PDE1A: variants seen among roughly 807,000 people sequenced by gnomAD.
The protein encoded by PDE1A is dual specificity calcium/calmodulin-dependent 3',5'-cyclic nucleotide phosphodiesterase 1A.
Under a neutral mutation model 61.7 loss-of-function variants are expected in PDE1A, and 35 were observed. The ratio of observed to expected loss-of-function variants is 0.57; its 90% CI spans 0.43 to 0.75. The LOEUF is 0.75. Ranked by LOEUF, PDE1A falls within the 30% of genes least tolerant of loss-of-function variation. PDE1A has a pLI of 0.00. For missense variants in PDE1A, 597 were observed against 630.6 expected (o/e 0.95, Z 0.57); for synonymous variants, 232 against 213.2 (o/e 1.09, Z -0.77).
At chr2:182,462,534 G>A (rs576068140) in intron 2 of PDE1A, among the ~76,000 whole-genome samples, 13 of 151,994 alleles carry the variant, frequency 8.6e-5, no homozygotes, top group Admixed American at 5.9e-4. Flanking sequence ...TTCTGTGCAT[G>A]AAGAAGGGAA....
At chr2:182,376,484 T>A (rs1443742488) in intron 1 of PDE1A, among the ~76,000 whole-genome samples, 1 of 152,200 alleles carries the variant, frequency 6.6e-6, no homozygotes, top group East Asian at 1.9e-4. Context: ...TGAGACCACC[T>A]CAGCCTGGAT....
the PDE1A span, among the ~76,000 whole-genome samples, chr2:182,656,842 G>T: frequency 6.6e-6 from 1 of 152,104 alleles, no homozygotes. Context: ...AGCTTGGCCA[G>T]ACTTAGGATG....
chr2:182,460,963 A>G (rs1464829603), intron 2 of PDE1A, among the ~76,000 whole-genome samples: 2 of 152,162 alleles, frequency 1.3e-5, no homozygotes, highest in Non-Finnish European at 2.9e-5. Flanking sequence ...TGGAGGGCTA[A>G]GAGGGAAGAG....
intron 1 of PDE1A, among the ~76,000 whole-genome samples, chr2:182,349,802 G>A (rs1373881452): frequency 3.3e-5 from 5 of 151,964 alleles, no homozygotes; most frequent in African/African-American, 9.7e-5. Flanking sequence ...AAAGACACAC[G>A]CAAACAGAGA....
chr2:182,212,201 T>C (rs1226990658), intron 7 of PDE1A, among the ~76,000 whole-genome samples: 3 of 121,352 alleles, frequency 2.5e-5, no homozygotes, highest in Non-Finnish European at 5.1e-5. Context: ...TAAAATTATA[T>C]ATATTACGTA....
intron 4 of PDE1A, among the ~76,000 whole-genome samples, chr2:182,233,215 T>C (rs1377277100): frequency 6.6e-6 from 1 of 152,180 alleles, no homozygotes; most frequent in Non-Finnish European, 1.5e-5. Context: ...CGAGGAATGA[T>C]TAATATCCTT....
intron 2 of PDE1A, among the ~76,000 whole-genome samples, chr2:182,495,619 A>G (rs920134185): frequency 2.6e-5 from 4 of 152,170 alleles, no homozygotes; most frequent in African/African-American, 9.7e-5. Context: ...ACTTTCCTCT[A>G]AAAGAGAAAG....
chr2:182,193,932 T>G (rs527311984), intron 10 of PDE1A, among the ~76,000 whole-genome samples: 66 of 152,158 alleles, frequency 4.3e-4, no homozygotes, highest in South Asian at 1.0e-3. Flanking sequence ...TGGCTGAGAA[T>G]GGACTAAGTA....
the PDE1A span, among the ~76,000 whole-genome samples, chr2:182,647,081 C>T: frequency 6.6e-6 from 1 of 152,166 alleles, no homozygotes; most frequent in African/African-American, 2.4e-5. Flanking sequence ...TTGTTTTTAA[C>T]AATGTTGAAC....
the PDE1A span, among the ~76,000 whole-genome samples, chr2:182,569,796 C>T: frequency 6.6e-6 from 1 of 152,152 alleles, no homozygotes; most frequent in Non-Finnish European, 1.5e-5. Flanking sequence ...AGCTAGATTC[C>T]CATTAACATC....
upstream of PDE1A, among the ~76,000 whole-genome samples, chr2:182,526,184 T>G (rs530601897): frequency 7.2e-5 from 11 of 152,292 alleles, no homozygotes; most frequent in East Asian, 2.1e-3. Flanking sequence ...TATCTTAATT[T>G]CTGAACAATA....
intron 10 of PDE1A, among the ~76,000 whole-genome samples, chr2:182,195,599 C>G (rs1686071117): frequency 6.6e-6 from 1 of 152,060 alleles, no homozygotes; most frequent in East Asian, 1.9e-4. Flanking sequence ...CTGGACAGAC[C>G]TCTTTTGATT....
chr2:182,564,255 G>A, the PDE1A span, among the ~76,000 whole-genome samples: 17 of 152,232 alleles, frequency 1.1e-4, no homozygotes, highest in African/African-American at 4.1e-4. Flanking sequence ...GTCTGGTGGT[G>A]ACAAAATCTC....
rs545421143 is a variant in PDE1A, at chr2:182,148,498, C to T, written c.1517-1346G>A. The stretch of plus-strand genomic sequence containing the variant: ...TCTTAACAGAATTCTTGCCAAGGAC[C>T]ATGGCTTTTTACCAGGTTGGTAAGA... On this transcript the variant is annotated intron_variant, in intron 13 of 13. Coordinates refer to the PDE1A transcript ENST00000409365. 5.2e-4 allele frequency among the ~76,000 whole-genome samples: 79 copies of T among 152,296 alleles called. No individual in the cohort carries two copies. The South Asian group carries it at 0.012, about 22-fold the overall frequency.
chr2:182,155,736 A>G (rs1171253925), intron 13 of PDE1A, among the ~76,000 whole-genome samples: 1 of 152,166 alleles, frequency 6.6e-6, no homozygotes, highest in African/African-American at 2.4e-5. Context: ...CTAAAAATAC[A>G]GAAAATTAGC....
At chr2:182,670,148 C>G in the PDE1A span, among the ~76,000 whole-genome samples, 2 of 152,332 alleles carry the variant, frequency 1.3e-5, no homozygotes, top group South Asian at 4.1e-4. Flanking sequence ...GTGCCCAGTA[C>G]AACCCCATGT....
At chr2:182,253,362 C>G (rs1691544568) in intron 2 of PDE1A, among the ~76,000 whole-genome samples, 1 of 152,088 alleles carries the variant, frequency 6.6e-6, no homozygotes, top group Non-Finnish European at 1.5e-5. Flanking sequence ...ATCAGGAAGT[C>G]AATGATATCA....
chr2:182,245,087 G>T (rs1474248349), intron 2 of PDE1A, among the ~76,000 whole-genome samples: 1 of 152,162 alleles, frequency 6.6e-6, no homozygotes, highest in African/African-American at 2.4e-5. Context: ...TTCTCCTCAA[G>T]AAGTTTTTAA....
intron 2 of PDE1A, among the ~76,000 whole-genome samples, chr2:182,499,090 C>T (rs1688918683): frequency 6.6e-6 from 1 of 150,742 alleles, no homozygotes; most frequent in South Asian, 2.1e-4. Context: ...TGTGTTCAAG[C>T]AATTCTCCTG....
Sources: gnomAD v4.1 joint callset for allele counts (sites outside exome capture counted in the v4.1 genomes callset) on GRCh38, gnomAD v4.1.1 for gene constraint, MANE v1.5 for transcripts, NCBI Gene and HGNC (gene_info 2026-07-23, HGNC 2026-07-21) for gene names.